FILIP1: variants seen among roughly 807,000 people sequenced by gnomAD.
FILIP1 encodes filamin-A-interacting protein 1.
Under a neutral mutation model 102.1 loss-of-function variants are expected in FILIP1, and 61 were observed. The ratio of observed to expected loss-of-function variants is 0.60; its 90% CI spans 0.49 to 0.74. The LOEUF (loss-of-function observed/expected upper bound fraction) is 0.74. Among genes scored for constraint, FILIP1 ranks in the 30% least tolerant of loss-of-function variants. The probability of loss-of-function intolerance (pLI) is 0.00; values close to 1 mark genes in which losing one functional copy is unlikely to be tolerated. For missense variants in FILIP1, 1,314 were observed against 1,441.2 expected, an observed-to-expected ratio of 0.91 and a Z score of 1.43; for synonymous variants, 491 against 526.9, an observed-to-expected ratio of 0.93 and a Z score of 0.93.
intron 1 of FILIP1, among the ~76,000 whole-genome samples, chr6:75,423,581 C>G (rs1257711946): frequency 1.3e-5 from 2 of 152,118 alleles, no homozygotes; most frequent in Non-Finnish European, 2.9e-5. Context: ...CTTAGCAAAT[C>G]GATAAGATGC....
intron 1 of FILIP1, chr6:75,465,566 G>C: frequency 2.1e-6 from 1 of 483,306 alleles, no homozygotes; most frequent in Non-Finnish European, 3.6e-6. Flanking sequence ...CAGTTTCACA[G>C]CAATTAAAAA....
chr6:75,460,775 A>C (rs1307607196), intron 1 of FILIP1, among the ~76,000 whole-genome samples: 2 of 152,198 alleles, frequency 1.3e-5, no homozygotes, highest in Non-Finnish European at 2.9e-5. Flanking sequence ...TGGCCAAAAG[A>C]CTGTAAAAGA....
chr6:75,308,196 A>G lies in FILIP1; in HGVS notation c.*495T>C. ...TAGAGGTCCAGGCCCTGTGATAGCT[A>G]TGTGATGTTTTTTCCAGCACATAAA... is the stretch of plus-strand genomic sequence containing the variant. On this transcript the variant is annotated 3_prime_UTR_variant, in exon 6 of 6. Coordinates refer to ENST00000237172, the MANE Select transcript of FILIP1 (RefSeq NM_015687.5). 2 of 988,152 alleles carry G rather than the reference A, an allele frequency of 2.0e-6. No homozygotes were observed. The highest frequency in any genetic ancestry group is 2.4e-6 in the Non-Finnish European group (2 of 831,432). 61.2% of individuals were successfully genotyped at this position (988,152 alleles called of 1,614,324 possible). A position where few individuals can be genotyped will look rare whatever the true frequency, so the allele number is the denominator to read the frequency against.
chr6:75,417,639 AG>A, intron 1 of FILIP1, among the ~76,000 whole-genome samples: 1 of 152,314 alleles, frequency 6.6e-6, no homozygotes, highest in African/African-American at 2.4e-5. Context: ...TTTTTCATAC[AG>A]CACCTTGTTT....
intron 1 of FILIP1, among the ~76,000 whole-genome samples, chr6:75,469,121 G>A (rs1582553946): frequency 6.6e-6 from 1 of 151,924 alleles, no homozygotes; most frequent in Non-Finnish European, 1.5e-5. Context: ...TTCTAGATAA[G>A]TGTTGATTTT....
At chr6:75,433,906 T>G (rs148960312) in intron 1 of FILIP1, among the ~76,000 whole-genome samples, 5,783 of 152,330 alleles carry the variant, frequency 0.038, 156 homozygotes, top group Non-Finnish European at 0.059. Context: ...TTTCTACATA[T>G]GGCTAGCCAG....
intron 1 of FILIP1, among the ~76,000 whole-genome samples, chr6:75,461,806 G>A (rs560091302): frequency 3.9e-5 from 6 of 152,304 alleles, no homozygotes; most frequent in South Asian, 2.1e-4. Context: ...ATTAAGCACC[G>A]CTTGAACAAG....
chr6:75,488,943 A>G (rs1455442333), intron 1 of FILIP1, among the ~76,000 whole-genome samples: 2 of 152,168 alleles, frequency 1.3e-5, no homozygotes, highest in Non-Finnish European at 2.9e-5. Context: ...ATTCATTTCC[A>G]TTTAGTAAAG....
chr6:75,333,945 C>A (rs1342026354), intron 4 of FILIP1, among the ~76,000 whole-genome samples: 1 of 151,930 alleles, frequency 6.6e-6, no homozygotes, highest in African/African-American at 2.4e-5. Context: ...GTTATCACAG[C>A]CACACTGAGT....
At chr6:75,479,431 G>C (rs565203640) in intron 1 of FILIP1, among the ~76,000 whole-genome samples, 9 of 152,074 alleles carry the variant, frequency 5.9e-5, no homozygotes, top group African/African-American at 2.2e-4. Flanking sequence ...TTTTGTCTTT[G>C]TCAATGTATT....
intron 6 of FILIP1, among the ~76,000 whole-genome samples, chr6:75,302,315 T>G (rs1401932838): frequency 6.6e-6 from 1 of 152,188 alleles, no homozygotes; most frequent in Non-Finnish European, 1.5e-5. Flanking sequence ...CACACAGGAC[T>G]TGTTAGTTCC....
At chr6:75,411,465 TG>T (rs1324760603) in intron 2 of FILIP1, among the ~76,000 whole-genome samples, 2 of 152,226 alleles carry the variant, frequency 1.3e-5, no homozygotes, top group East Asian at 3.8e-4. Flanking sequence ...CCATTGCTTT[TG>T]GTGTTTTAGT....
intron 4 of FILIP1, among the ~76,000 whole-genome samples, chr6:75,318,692 T>A (rs909122881): frequency 7.2e-5 from 11 of 152,224 alleles, no homozygotes; most frequent in Non-Finnish European, 1.0e-4. Context: ...TTATTTCGTA[T>A]AAGCTGCATC....
At chr6:75,343,418 C>T (rs1268103195) in intron 4 of FILIP1, among the ~76,000 whole-genome samples, 1 of 152,172 alleles carries the variant, frequency 6.6e-6, no homozygotes. Context: ...ATATTACTCT[C>T]CATCTTTGTC....
intron 4 of FILIP1, among the ~76,000 whole-genome samples, chr6:75,339,538 CT>C (rs994420130): frequency 3.3e-5 from 5 of 152,210 alleles, no homozygotes; most frequent in African/African-American, 7.2e-5. Flanking sequence ...TTCACATTCA[CT>C]TTTTTTTCTC....
chr6:75,302,407 C>T (rs1238752227), intron 6 of FILIP1, among the ~76,000 whole-genome samples: 1 of 152,122 alleles, frequency 6.6e-6, no homozygotes, highest in East Asian at 1.9e-4. Context: ...TGCCATTTTT[C>T]AGCTTCTAGT....
Position 75,313,829 on chromosome 6 carries a change from C to A in FILIP1, c.2003G>T (p.Arg668Ile). Residue 668 changes from arginine to isoleucine, a missense_variant, in exon 5 of 6, where the codon AGA (arginine) becomes ATA (isoleucine). Arg to Ile is a moderately conservative substitution (Grantham distance 97). This residue lies in a region of FILIP1 where 816 missense variants were observed against 913.1 expected (regional missense o/e 0.89). Transcript: ENST00000237172. This position sits in a 1 kb window ranked among gnomAD's most constrained non-coding sequence, Gnocchi z 4.2. ...DEYDQLEQKF[R>I]TEQDKANFLS... ...GAAGTTAGCCTTATCCTGCTCAGTT[C>A]TAAATTTCTGTTCCAGCTGATCATA... is the stretch of plus-strand genomic sequence containing the variant. The A allele has an allele frequency of 6.2e-7, 1 of 1,613,936 alleles. No homozygotes were observed. Among genetic ancestry groups the A allele is most frequent in the South Asian group, 1.1e-5 (1 of 91,022 alleles).
chr6:75,449,624 A>AATAC (rs968128446), intron 1 of FILIP1, among the ~76,000 whole-genome samples: 1 of 152,086 alleles, frequency 6.6e-6, no homozygotes, highest in Non-Finnish European at 1.5e-5. Context: ...ATTTTTTTTA[A>AATAC]AGTCTAGGTA....
At chr6:75,492,815 T>C (rs1253775790) in intron 1 of FILIP1, among the ~76,000 whole-genome samples, 3 of 151,998 alleles carry the variant, frequency 2.0e-5, no homozygotes, top group East Asian at 3.9e-4. Context: ...ACTTCAAGAG[T>C]AGTGATTTAA....
Sources: gnomAD v4.1 joint callset for allele counts (sites outside exome capture counted in the v4.1 genomes callset) on GRCh38, gnomAD v4.1.1 for gene constraint, gnomAD v4.1.1 regional missense constraint, Gnocchi (gnomAD v3.1) non-coding constraint, MANE v1.5 for transcripts, NCBI Gene and HGNC (gene_info 2026-07-23, HGNC 2026-07-21) for gene names.